Variants in GLI2 observed in about 807,000 individuals in gnomAD.
GLI2 encodes transcription activator GLI2.
Under a neutral mutation model 78.9 loss-of-function variants are expected in GLI2, and 22 were observed. That is an observed-to-expected ratio of 0.28 (90% confidence interval 0.20 to 0.40). The LOEUF (loss-of-function observed/expected upper bound fraction) is 0.40, where lower values mean the gene tolerates loss of function less well. Ranked by LOEUF, GLI2 falls within the 10% of genes least tolerant of loss-of-function variation. The pLI, the probability that GLI2 is intolerant of heterozygous loss-of-function variation, is 1.00. For missense variants in GLI2, 2,097 were observed against 2,213.2 expected (o/e 0.95, Z 1.05); for synonymous variants, 974 against 963.7 (o/e 1.01, Z -0.20).
chr2:120,922,144 G>A (rs1441623687), intron 2 of GLI2, among the ~76,000 whole-genome samples: 1 of 152,188 alleles, frequency 6.6e-6, no homozygotes, highest in Non-Finnish European at 1.5e-5. Flanking sequence ...CCAGGGCCTA[G>A]AACAGTGCCT....
intron 1 of GLI2, among the ~76,000 whole-genome samples, chr2:120,768,489 G>C (rs933309780): frequency 1.3e-5 from 2 of 152,192 alleles, no homozygotes; most frequent in East Asian, 3.9e-4. Flanking sequence ...CATCTGGCCC[G>C]CTGCTGGGAA....
At chr2:120,896,324 A>G (rs1677943105) in intron 2 of GLI2, among the ~76,000 whole-genome samples, 1 of 151,272 alleles carries the variant, frequency 6.6e-6, no homozygotes, top group Admixed American at 6.6e-5. Context: ...TGGGTAGGCG[A>G]GGGCCATGAC....
rs1319370049 is a variant in GLI2 at position 120,854,029 on chromosome 2, C to T, written c.148+56561C>T. On this transcript the variant is annotated intron_variant, in intron 2 of 13. Coordinates refer to ENST00000361492, the MANE Select transcript of GLI2 (RefSeq NM_001374353.1). ...CTTCATTCTACCAGCATTTATCAAA[C>T]ACCTATTGTGTATCGGGGCTATAGT... is the stretch of plus-strand genomic sequence containing the variant. Among the ~76,000 whole-genome samples, 7 of 118,510 alleles carry T rather than the reference C, an allele frequency of 5.9e-5. No individual in the cohort carries two copies. In the Admixed American group the frequency reaches 6.1e-4, roughly 10 times the overall value. The allele number at this position is 118,510 out of a possible 152,430, so 77.7% of individuals were successfully genotyped here.
intron 2 of GLI2, among the ~76,000 whole-genome samples, chr2:120,817,201 T>G (rs1258143539): frequency 6.6e-6 from 1 of 152,214 alleles, no homozygotes; most frequent in Admixed American, 6.5e-5. Context: ...CCCACATAGA[T>G]TTCTGCTGTG....
At position 120,968,738 on chromosome 2, in the gene GLI2, T is replaced by C. The variant is rs1681983042; in HGVS notation, c.668T>C (p.Val223Ala). The change falls in exon 6 of 14, where the codon GTG becomes GCG. Residue 223 changes from valine (V) to alanine (A), a missense_variant. Around this residue, in one of 5 missense-constraint regions of GLI2, gnomAD observed 578 missense variants for 612.0 expected, o/e 0.94. Coordinates refer to ENST00000361492, the MANE Select transcript of GLI2 (RefSeq NM_001374353.1). ...GTGTCCCGTTTCTCCAGCCCGCGGG[T>C]GACGCCCCGCCTGAGCCGCAAGCGG... The part of the protein sequence containing the change: ...VDVSRFSSPR[V>A]TPRLSRKRAL... 1 of 1,612,852 alleles carries C rather than the reference T, an allele frequency of 6.2e-7. No homozygotes were observed. The highest frequency in any genetic ancestry group is 2.2e-5 in the East Asian group (1 of 44,828).
Position 120,913,450 on chromosome 2 carries a change from G to T in GLI2, c.149-13911G>T, listed in dbSNP as rs147329816. On this transcript the variant is annotated intron_variant, in intron 2 of 13. Transcript: ENST00000361492. ...AATTGTGTTATTAAAATAATCACCT[G>T]TTTCTTTTTAGTTTTTTTTAAATGT... Among the ~76,000 whole-genome samples the T allele has an allele frequency of 6.7e-3, 1,027 of 152,212 alleles. 11 individuals are homozygous for T. The highest frequency in any genetic ancestry group is 0.023 in the African/African-American group (952 of 41,524).
chr2:120,935,898 C>G (rs1251157937), intron 3 of GLI2, among the ~76,000 whole-genome samples: 4 of 152,176 alleles, frequency 2.6e-5, no homozygotes. Context: ...AAAGCCCTCG[C>G]ACAAGAGGAG....
At chr2:120,796,859 A>G (rs1217224102) in intron 1 of GLI2, among the ~76,000 whole-genome samples, 1 of 152,332 alleles carries the variant, frequency 6.6e-6, no homozygotes, top group East Asian at 1.9e-4. Flanking sequence ...GCAGATGAAT[A>G]AGTGAAAGGT....
At chr2:120,778,489 G>A (rs539008782) in intron 1 of GLI2, among the ~76,000 whole-genome samples, 64 of 152,320 alleles carry the variant, frequency 4.2e-4, no homozygotes, top group Admixed American at 3.3e-3. Context: ...GTGATGTGGC[G>A]CAGGACTGTG....
intron 12 of GLI2, among the ~76,000 whole-genome samples, chr2:120,985,827 C>T (rs778002133): frequency 2.6e-5 from 4 of 152,212 alleles, no homozygotes; most frequent in Non-Finnish European, 4.4e-5. Flanking sequence ...CCACAGGTCC[C>T]CCTCCTGGTC....
At chr2:120,923,125 A>G (rs540389986) in intron 2 of GLI2, among the ~76,000 whole-genome samples, 1 of 107,826 alleles carries the variant, frequency 9.3e-6, no homozygotes, top group East Asian at 3.0e-4. Context: ...ACACACAGCA[A>G]CACACACATA....
At chr2:120,801,049 C>T (rs934340051) in intron 2 of GLI2, among the ~76,000 whole-genome samples, 3 of 152,192 alleles carry the variant, frequency 2.0e-5, no homozygotes, top group African/African-American at 4.8e-5. Flanking sequence ...TCACCAGTTC[C>T]GAGAGCTTCC....
At chr2:120,962,658 A>G (rs565735518) in intron 5 of GLI2, among the ~76,000 whole-genome samples, 4 of 152,182 alleles carry the variant, frequency 2.6e-5, no homozygotes, top group Non-Finnish European at 4.4e-5. Context: ...CATAAATCAC[A>G]GGAGAAACCA....
At chr2:120,877,346 G>A (rs144360425) in intron 2 of GLI2, among the ~76,000 whole-genome samples, 1 of 152,274 alleles carries the variant, frequency 6.6e-6, no homozygotes, top group Non-Finnish European at 1.5e-5. Context: ...GCTTCAAAAT[G>A]GCCACGCATC....
At position 120,757,450 on chromosome 2, in the gene GLI2, C is replaced by A. The variant is rs1361372929; in HGVS notation, c.-31+21165C>A. Among the ~76,000 whole-genome samples, 5 of 152,338 alleles carry A rather than the reference C, an allele frequency of 3.3e-5. No homozygotes were observed. The South Asian group carries it at 1.0e-3, about 32-fold the overall frequency. ...TATTGAGGTAAAATCCTTCAGAGTT[C>A]TCTACCCAAGGCTGTGTGACTTTTG... On this transcript the variant is annotated intron_variant, in intron 1 of 13. Coordinates refer to ENST00000361492, the MANE Select transcript of GLI2 (RefSeq NM_001374353.1).
At chr2:120,762,472 G>C (rs1267817614) in intron 1 of GLI2, among the ~76,000 whole-genome samples, 2 of 152,194 alleles carry the variant, frequency 1.3e-5, no homozygotes, top group Non-Finnish European at 2.9e-5. Flanking sequence ...CCAGTACCAG[G>C]GTCCACAGCT....
intron 5 of GLI2, among the ~76,000 whole-genome samples, chr2:120,956,810 T>C (rs1456512783): frequency 6.6e-6 from 1 of 152,040 alleles, no homozygotes; most frequent in Non-Finnish European, 1.5e-5. Flanking sequence ...TGGGAAATCA[T>C]GTGGGACCAG....
chr2:120,978,377 G>T, intron 9 of GLI2, 57 bp from the exon 10 acceptor site: 2 of 1,604,374 alleles, frequency 1.2e-6, no homozygotes, highest in Non-Finnish European at 1.7e-6. Flanking sequence ...GACAGCAGGG[G>T]GTGGTCTGTG....
chr2:120,806,366 G>C (rs1352821814), intron 2 of GLI2, among the ~76,000 whole-genome samples: 1 of 152,190 alleles, frequency 6.6e-6, no homozygotes, highest in East Asian at 1.9e-4. Context: ...TGACAGGGAC[G>C]TTGCCTCTGC....
Sources: allele counts gnomAD v4.1 joint callset (sites outside exome capture counted in the v4.1 genomes callset), GRCh38; gene constraint gnomAD v4.1.1; regional missense constraint gnomAD v4.1.1; transcripts MANE v1.5; gene names NCBI Gene and HGNC (gene_info 2026-07-23, HGNC 2026-07-21).